The following KIF25 variants were observed in gnomAD, a reference collection of about 807,000 sequenced individuals.
The protein encoded by KIF25 is kinesin-like protein KIF25.
In KIF25, 19 loss-of-function variants were observed where a neutral mutation model predicts 32.9. The observed-to-expected ratio is 0.58, with a 90% CI of 0.40 to 0.85. The LOEUF is 0.85. Ranked by LOEUF, KIF25 falls within the 40% of genes least tolerant of loss-of-function variation. The probability of loss-of-function intolerance (pLI) is 0.00; values close to 1 mark genes in which losing one functional copy is unlikely to be tolerated. For missense variants in KIF25, 485 were observed against 507.0 expected (o/e 0.96, Z 0.42); for synonymous variants, 225 against 213.7 (o/e 1.05, Z -0.46).
At chr6:168,000,102 A>C (rs1275845783) in intron 2 of KIF25, among the ~76,000 whole-genome samples, 2 of 56,162 alleles carry the variant, frequency 3.6e-5, no homozygotes, top group Non-Finnish European at 3.3e-5. Flanking sequence ...ACCACACCTG[A>C]CCCTCCCCAC....
At chr6:168,028,255 G>A (rs1193162196) in intron 5 of KIF25, among the ~76,000 whole-genome samples, 1 of 152,012 alleles carries the variant, frequency 6.6e-6, no homozygotes, top group Non-Finnish European at 1.5e-5. Context: ...TTTGCCCGTT[G>A]CCCAGGCTGG....
At chr6:168,039,511 G>T (rs948615085) in intron 9 of KIF25, among the ~76,000 whole-genome samples, 12 of 152,202 alleles carry the variant, frequency 7.9e-5, no homozygotes, top group African/African-American at 2.9e-4. Context: ...GGGCCCCGGA[G>T]GCAGCAAGGG....
chr6:168,012,845 A>G (rs769702150), intron 4 of KIF25, among the ~76,000 whole-genome samples: 307 of 152,060 alleles, frequency 2.0e-3, no homozygotes, highest in Non-Finnish European at 2.3e-3. Context: ...CAGGCCTGGG[A>G]CGAGGGCACA....
chr6:168,009,362 G>A (rs1798618040), intron 4 of KIF25, among the ~76,000 whole-genome samples: 2 of 151,684 alleles, frequency 1.3e-5, no homozygotes, highest in South Asian at 4.2e-4. Context: ...CTGTAGATGT[G>A]ACCCAATTTG....
At chr6:168,027,496 G>A (rs1179367562) in intron 5 of KIF25, among the ~76,000 whole-genome samples, 2 of 150,690 alleles carry the variant, frequency 1.3e-5, no homozygotes, top group African/African-American at 4.9e-5. Context: ...GAAAGAAAAA[G>A]GGAAAGGAGA....
intron 5 of KIF25, among the ~76,000 whole-genome samples, chr6:168,020,793 A>G (rs1798778119): frequency 6.6e-6 from 1 of 152,254 alleles, no homozygotes; most frequent in South Asian, 2.1e-4. Context: ...ATGTCAGGAA[A>G]AAGGGAAAGA....
intron 4 of KIF25, among the ~76,000 whole-genome samples, chr6:168,005,433 T>C (rs2843006): frequency 0.89 from 135,098 of 152,252 alleles, 60,032 homozygotes; most frequent in South Asian, 0.9. Flanking sequence ...AGCAACCAAA[T>C]GAGATGGGAG....
intron 5 of KIF25, among the ~76,000 whole-genome samples, chr6:168,023,386 G>C (rs1043269995): frequency 4.0e-5 from 6 of 150,668 alleles, no homozygotes; most frequent in African/African-American, 1.5e-4. Flanking sequence ...TCCTGCCTCA[G>C]CCTCCCAAGT....
At chr6:168,032,465 G>C (rs777229981) in intron 7 of KIF25, among the ~76,000 whole-genome samples, 10 of 152,236 alleles carry the variant, frequency 6.6e-5, no homozygotes, top group Non-Finnish European at 1.3e-4. Flanking sequence ...TGTTATGAAT[G>C]CCTTGAGACT....
At chr6:168,042,428 T>C (rs1799138268) in intron 11 of KIF25, 133 bp from the exon 12 acceptor site, 1 of 1,164,108 alleles carries the variant, frequency 8.6e-7, no homozygotes, top group African/African-American at 1.5e-5. Context: ...TGAAAGACAC[T>C]CACTCTCATG....
chr6:168,013,320 T>C (rs1242040923), intron 4 of KIF25, among the ~76,000 whole-genome samples: 1 of 151,840 alleles, frequency 6.6e-6, no homozygotes. Context: ...TGGGGGTTGG[T>C]TTCCCTGCTG....
At position 168,044,786 on chromosome 6, in the gene KIF25, G is replaced by C. The variant is rs781480883; in HGVS notation, c.986-41G>C. On this transcript the variant is annotated intron_variant, in intron 12 of 12. Transcript: ENST00000643607. ...TGGCATGTTGGCACTTTCAGATGCTGCTCTTCTTTCCAGCTTGCATGTTGT... is the reference window on the plus strand; with the variant it reads ...TGGCATGTTGGCACTTTCAGATGCTCCTCTTCTTTCCAGCTTGCATGTTGT... 1.3e-5 allele frequency: 20 copies of C among 1,541,880 alleles called. No homozygotes were observed. The African/African-American group carries it at 1.9e-4, about 15-fold the overall frequency.
At chr6:168,044,244 C>T (rs926889693) in intron 12 of KIF25, among the ~76,000 whole-genome samples, 10 of 137,752 alleles carry the variant, frequency 7.3e-5, no homozygotes, top group Middle Eastern at 4.1e-3. Context: ...CTGACCCTCC[C>T]GGAGGGTGAG....
intron 6 of KIF25, 48 bp from the exon 7 acceptor site, chr6:168,030,725 C>T (rs750056333): frequency 1.8e-5 from 27 of 1,500,776 alleles, no homozygotes; most frequent in African/African-American, 2.8e-5. Flanking sequence ...ATGCTAGAGC[C>T]GCTTTCTGCT....
intron 5 of KIF25, among the ~76,000 whole-genome samples, chr6:168,026,774 A>G (rs1798866029): frequency 6.6e-6 from 1 of 152,232 alleles, no homozygotes; most frequent in South Asian, 2.1e-4. Flanking sequence ...ATGCAAGGAG[A>G]AAAAGAATAA....
At position 168,042,105 on chromosome 6, in the gene KIF25, G is replaced by T. The variant is rs1369615797; in HGVS notation, c.783G>T (p.Val261=). Residue 261 remains valine, a synonymous_variant, in exon 11 of 13, where the codon GTG becomes GTT. Transcript: ENST00000643607. ...ACCCCGCAGGGCATGCGGAGCAGGT[G>T]CAGGCTCGACTACAGCTCGTGGACT... The part of the protein sequence containing the change: ...PGNPAGHAEQ[V]QARLQLVDSA... 2 of 1,551,518 alleles carry T rather than the reference G, an allele frequency of 1.3e-6. No individual in the cohort carries two copies. Among genetic ancestry groups the T allele is most frequent in the East Asian group, 4.9e-5 (2 of 41,094 alleles).
chr6:168,004,107 G>T (rs1281535011), intron 4 of KIF25, among the ~76,000 whole-genome samples: 3 of 152,198 alleles, frequency 2.0e-5, no homozygotes, highest in Non-Finnish European at 4.4e-5. Context: ...TCCACGAAAA[G>T]GCCGAGAAGT....
chr6:168,012,561 G>T (rs1398223070), intron 4 of KIF25, among the ~76,000 whole-genome samples: 1 of 152,210 alleles, frequency 6.6e-6, no homozygotes, highest in Non-Finnish European at 1.5e-5. Context: ...CCAACATGGG[G>T]TCTGGCTCAT....
chr6:168,017,989 A>G lies in KIF25; in HGVS notation c.-146A>G, dbSNP rs7744329. The G allele has an allele frequency of 0.2, 30,948 of 152,492 alleles. 3,601 individuals carry two copies. Among genetic ancestry groups the G allele is most frequent in the East Asian group, 0.3 (1,529 of 5,160 alleles). 9.4% of individuals were successfully genotyped at this position (152,492 alleles called of 1,614,324 possible). On this transcript the variant is annotated 5_prime_UTR_variant, in exon 5 of 13. Transcript: ENST00000643607. ...TTCTCTCAGGAAACAATTCTGGTGA[A>G]ATGTGATCGTCCTGGCCACCCTCTG...
Sources: gnomAD v4.1 joint callset for allele counts (sites outside exome capture counted in the v4.1 genomes callset) on GRCh38, gnomAD v4.1.1 for gene constraint, MANE v1.5 for transcripts, NCBI Gene and HGNC (gene_info 2026-07-23, HGNC 2026-07-21) for gene names.